Variants in RANBP2 observed in about 807,000 individuals in gnomAD.
The protein encoded by RANBP2 is RAN binding protein 2.
A neutral mutation model predicts 303.6 loss-of-function variants in RANBP2; 57 were observed. The observed-to-expected ratio is 0.19, with a 90% CI of 0.15 to 0.23. RANBP2 has a LOEUF of 0.23. Ranked by LOEUF, RANBP2 falls within the 10% of genes least tolerant of loss-of-function variation. The pLI is 1.00. For missense variants in RANBP2, 3,138 were observed against 3,780.8 expected (o/e 0.83, Z 4.46); for synonymous variants, 1,167 against 1,301.5 (o/e 0.90, Z 2.23).
chr2:109,480,599 G>A, the RANBP2 span, among the ~76,000 whole-genome samples: 6 of 152,194 alleles, frequency 3.9e-5, no homozygotes. Flanking sequence ...ATCCCGAGCA[G>A]CCATGGGGTG....
chr2:109,218,431 A>G, the RANBP2 span, among the ~76,000 whole-genome samples: 4 of 152,344 alleles, frequency 2.6e-5, no homozygotes, highest in Non-Finnish European at 4.4e-5. Context: ...TATGCTTAAC[A>G]AAACGAGCTT....
chr2:108,866,773 C>T, the RANBP2 span, among the ~76,000 whole-genome samples: 1 of 151,896 alleles, frequency 6.6e-6, no homozygotes, highest in Non-Finnish European at 1.5e-5. Flanking sequence ...ATCCCAGTTA[C>T]TCGGGAGACT....
At chr2:109,136,042 T>G in the RANBP2 span, among the ~76,000 whole-genome samples, 1 of 152,224 alleles carries the variant, frequency 6.6e-6, no homozygotes, top group Non-Finnish European at 1.5e-5. Flanking sequence ...GGCTGCTTGC[T>G]GTGATGGAGC....
chr2:108,861,830 C>T, the RANBP2 span, among the ~76,000 whole-genome samples: 1 of 152,076 alleles, frequency 6.6e-6, no homozygotes, highest in African/African-American at 2.4e-5. Context: ...AGCCACCGCG[C>T]CCAGCCTAAA....
At chr2:109,178,742 C>T in the RANBP2 span, among the ~76,000 whole-genome samples, 2 of 152,098 alleles carry the variant, frequency 1.3e-5, no homozygotes, top group African/African-American at 2.4e-5. Flanking sequence ...ATTGGTGTGT[C>T]GTGTAGTTCT....
the RANBP2 span, among the ~76,000 whole-genome samples, chr2:109,720,829 G>A: frequency 6.6e-6 from 1 of 152,296 alleles, no homozygotes; most frequent in East Asian, 1.9e-4. Context: ...CTCACAGCAG[G>A]GCACTGCTTT....
the RANBP2 span, among the ~76,000 whole-genome samples, chr2:109,676,459 T>G: frequency 7.9e-5 from 12 of 152,348 alleles, no homozygotes; most frequent in East Asian, 1.9e-3. Flanking sequence ...CGGGGCGGGC[T>G]GCTCAGTGTT....
At chr2:109,491,004 C>T in the RANBP2 span, 180 of 1,356,264 alleles carry the variant, frequency 1.3e-4, no homozygotes, top group East Asian at 1.6e-4. Context: ...GAGCCACCTT[C>T]GGGGAGCAGG....
chr2:108,965,338 G>A, the RANBP2 span, among the ~76,000 whole-genome samples: 1 of 152,042 alleles, frequency 6.6e-6, no homozygotes, highest in Non-Finnish European at 1.5e-5. Context: ...AAAATTAGCT[G>A]GGCGTGGTGG....
the RANBP2 span, among the ~76,000 whole-genome samples, chr2:108,914,175 G>T: frequency 3.3e-5 from 5 of 151,726 alleles, no homozygotes; most frequent in Non-Finnish European, 7.4e-5. Context: ...TAGGAGAATC[G>T]CTTGAACCCG....
the RANBP2 span, among the ~76,000 whole-genome samples, chr2:109,040,948 C>T: frequency 1.7e-3 from 260 of 152,064 alleles, 1 homozygote; most frequent in African/African-American, 6.1e-3. Flanking sequence ...CCCAGCTACT[C>T]GGGAGGCTGA....
chr2:109,141,894 C>G, the RANBP2 span, among the ~76,000 whole-genome samples: 1 of 152,098 alleles, frequency 6.6e-6, no homozygotes, highest in East Asian at 1.9e-4. Context: ...CGGCTGCCTG[C>G]TTCTCCTACC....
chr2:109,621,633 G>A, the RANBP2 span, among the ~76,000 whole-genome samples: 1 of 152,026 alleles, frequency 6.6e-6, no homozygotes, highest in Non-Finnish European at 1.5e-5. Context: ...GGCAATGATG[G>A]CCAGGTGCGG....
chr2:108,993,261 C>T, the RANBP2 span, among the ~76,000 whole-genome samples: 1 of 152,124 alleles, frequency 6.6e-6, no homozygotes, highest in Non-Finnish European at 1.5e-5. Context: ...AGGTCTTGTA[C>T]AAAGGTCCTG....
chr2:108,969,766 A>G, the RANBP2 span, among the ~76,000 whole-genome samples: 3 of 152,366 alleles, frequency 2.0e-5, no homozygotes, highest in Admixed American at 2.0e-4. Flanking sequence ...TTCAGCAGCT[A>G]GCTGGAAAGA....
chr2:109,587,847 A>G, the RANBP2 span, among the ~76,000 whole-genome samples: 2 of 151,782 alleles, frequency 1.3e-5, no homozygotes, highest in Non-Finnish European at 2.9e-5. Flanking sequence ...TGGGAGGTGG[A>G]GGTTGCAGTG....
the RANBP2 span, among the ~76,000 whole-genome samples, chr2:109,529,290 C>G: frequency 6.6e-6 from 1 of 152,166 alleles, no homozygotes; most frequent in African/African-American, 2.4e-5. Context: ...GTGGGGCAGC[C>G]AGGCCAATGT....
the RANBP2 span, among the ~76,000 whole-genome samples, chr2:109,578,499 C>T: frequency 6.6e-6 from 1 of 150,904 alleles, no homozygotes; most frequent in Non-Finnish European, 1.5e-5. Flanking sequence ...GCATGGCAGG[C>T]TCATGCCTGT....
At chr2:109,680,100 C>G in the RANBP2 span, among the ~76,000 whole-genome samples, 11,020 of 151,314 alleles carry the variant, frequency 0.073, 575 homozygotes, top group East Asian at 0.25. Context: ...AATCCCAGCA[C>G]TTTGGGAGGC....
Sources: gnomAD v4.1 joint callset for allele counts (sites outside exome capture counted in the v4.1 genomes callset) on GRCh38, gnomAD v4.1.1 for gene constraint, MANE v1.5 for transcripts, NCBI Gene and HGNC (gene_info 2026-07-23, HGNC 2026-07-21) for gene names.